Variants in LRBA observed in about 807,000 individuals in gnomAD.
LRBA encodes the protein lipopolysaccharide-responsive and beige-like anchor protein.
A neutral mutation model predicts 330.0 loss-of-function variants in LRBA; 176 were observed. That is an observed-to-expected ratio of 0.53 (90% CI 0.47 to 0.60). LRBA has a LOEUF of 0.60. Among genes scored for constraint, LRBA ranks in the 20% least tolerant of loss-of-function variants. The probability of loss-of-function intolerance (pLI) is 0.00; values close to 1 mark genes in which losing one functional copy is unlikely to be tolerated. For missense variants in LRBA, 3,259 were observed against 3,444.8 expected (o/e 0.95, Z 1.35); for synonymous variants, 1,230 against 1,193.0 (o/e 1.03, Z -0.64).
chr4:150,784,722 C>A (rs889922740), intron 34 of LRBA, among the ~76,000 whole-genome samples: 10 of 152,238 alleles, frequency 6.6e-5, no homozygotes, highest in Non-Finnish European at 1.3e-4. Flanking sequence ...TTCTTTCTTT[C>A]CCCTTTCTAT....
At chr4:150,723,349 A>C (rs1408349012) in intron 36 of LRBA, among the ~76,000 whole-genome samples, 6 of 152,188 alleles carry the variant, frequency 3.9e-5, no homozygotes, top group Non-Finnish European at 8.8e-5. Context: ...TTTGACTTGC[A>C]TTTTGGATAC....
At chr4:150,718,162 T>C (rs976492297) in intron 36 of LRBA, among the ~76,000 whole-genome samples, 10 of 152,114 alleles carry the variant, frequency 6.6e-5, no homozygotes, top group Non-Finnish European at 1.3e-4. Context: ...AATGATGTCA[T>C]GACATTCATG....
intron 40 of LRBA, among the ~76,000 whole-genome samples, chr4:150,551,433 T>C (rs1336790044): frequency 6.6e-6 from 1 of 152,020 alleles, no homozygotes; most frequent in Non-Finnish European, 1.5e-5. Context: ...AATCTTAGCA[T>C]TTTGGGAGGC....
At chr4:150,494,632 T>C (rs1759355494) in intron 40 of LRBA, among the ~76,000 whole-genome samples, 1 of 152,230 alleles carries the variant, frequency 6.6e-6, no homozygotes, top group Non-Finnish European at 1.5e-5. Flanking sequence ...AGTATGGTTA[T>C]TCAAAGATCT....
intron 37 of LRBA, among the ~76,000 whole-genome samples, chr4:150,682,761 T>A (rs1274060787): frequency 6.6e-6 from 1 of 152,088 alleles, no homozygotes; most frequent in Non-Finnish European, 1.5e-5. Flanking sequence ...GTTTTTGTTG[T>A]CTTCTAGAAA....
chr4:150,924,269 T>C (rs1426220938), intron 4 of LRBA, among the ~76,000 whole-genome samples: 1 of 152,126 alleles, frequency 6.6e-6, no homozygotes, highest in Non-Finnish European at 1.5e-5. Context: ...CTCAACACTT[T>C]AGGAGGCCAA....
chr4:150,785,031 A>G (rs1467596781), intron 34 of LRBA, among the ~76,000 whole-genome samples: 1 of 152,230 alleles, frequency 6.6e-6, no homozygotes, highest in Admixed American at 6.5e-5. Flanking sequence ...AAAATCGTTC[A>G]TGCAGAACCT....
chr4:150,580,050 G>A (rs545629789), intron 40 of LRBA: 1 of 244,870 alleles, frequency 4.1e-6, no homozygotes, highest in South Asian at 4.3e-5. Context: ...AAGGCCTCCC[G>A]GGTTAGAGCC....
chr4:150,721,837 G>A (rs917031017), intron 36 of LRBA, among the ~76,000 whole-genome samples: 2 of 152,032 alleles, frequency 1.3e-5, no homozygotes, highest in Admixed American at 6.6e-5. Context: ...GGCTGGTCGC[G>A]AACTCCTGAC....
intron 47 of LRBA, among the ~76,000 whole-genome samples, chr4:150,389,396 T>A (rs1182610170): frequency 2.0e-5 from 3 of 148,616 alleles, no homozygotes; most frequent in Non-Finnish European, 3.0e-5. Flanking sequence ...CCATAGGAGA[T>A]TAGGTTAATA....
At chr4:150,789,814 C>T (rs1739642283) in intron 34 of LRBA, among the ~76,000 whole-genome samples, 1 of 152,048 alleles carries the variant, frequency 6.6e-6, no homozygotes. Context: ...TAAAAGCAAG[C>T]AATGATAGCT....
intron 2 of LRBA, among the ~76,000 whole-genome samples, chr4:150,992,594 C>T (rs1451377611): frequency 6.6e-6 from 1 of 152,084 alleles, no homozygotes; most frequent in Non-Finnish European, 1.5e-5. Context: ...AAGGGTGTTA[C>T]AATAATCCTA....
chr4:150,551,823 A>T (rs1333989847), intron 40 of LRBA, among the ~76,000 whole-genome samples: 1 of 152,214 alleles, frequency 6.6e-6, no homozygotes, highest in South Asian at 2.1e-4. Context: ...ATGTGTATAT[A>T]TATTTTTTAC....
At chr4:150,993,240 A>C (rs1742291040) in intron 2 of LRBA, among the ~76,000 whole-genome samples, 1 of 152,260 alleles carries the variant, frequency 6.6e-6, no homozygotes, top group Non-Finnish European at 1.5e-5. Context: ...AAAAATTTGA[A>C]TTGTAATAAA....
chr4:150,286,383 T>C (rs1370410034), intron 53 of LRBA, among the ~76,000 whole-genome samples: 1 of 152,182 alleles, frequency 6.6e-6, no homozygotes, highest in Admixed American at 6.5e-5. Flanking sequence ...TGGCTCAATT[T>C]ACATTTCAAA....
chr4:150,955,588 C>G (rs1737454227), intron 2 of LRBA, among the ~76,000 whole-genome samples: 1 of 147,296 alleles, frequency 6.8e-6, no homozygotes. Flanking sequence ...ACCCCCATCT[C>G]AATAATAATA....
intron 47 of LRBA, among the ~76,000 whole-genome samples, chr4:150,391,972 TAA>T (rs150931536): frequency 0.16 from 17,108 of 107,164 alleles, 1,480 homozygotes; most frequent in Middle Eastern, 0.2. Flanking sequence ...TGTTACTCTT[TAA>T]AAAAAAAAAA....
intron 35 of LRBA, among the ~76,000 whole-genome samples, chr4:150,752,158 T>C (rs115840608): frequency 0.032 from 4,872 of 152,296 alleles, 112 homozygotes; most frequent in Middle Eastern, 0.051. Context: ...TCTTCCATAA[T>C]ATGAGAACTA....
intron 38 of LRBA, chr4:150,597,013 G>T: frequency 1.3e-6 from 1 of 767,744 alleles, no homozygotes; most frequent in Non-Finnish European, 2.1e-6. Flanking sequence ...TCAAACGCAA[G>T]TTTTGTTTTT....
Sources: allele counts gnomAD v4.1 joint callset (sites outside exome capture counted in the v4.1 genomes callset), GRCh38; gene constraint gnomAD v4.1.1; transcripts MANE v1.5; gene names NCBI Gene and HGNC (gene_info 2026-07-23, HGNC 2026-07-21).